Variants in ST6GALNAC3 observed in about 807,000 individuals in gnomAD.
The protein encoded by ST6GALNAC3 is ST6 N-acetylgalactosaminide alpha-2,6-sialyltransferase 3.
Under a neutral mutation model 32.7 loss-of-function variants are expected in ST6GALNAC3, and 25 were observed. The observed-to-expected ratio is 0.76, with a 90% CI of 0.56 to 1.07. The LOEUF (loss-of-function observed/expected upper bound fraction) is 1.07. ST6GALNAC3 is among the 50% of genes least tolerant of loss of function. The pLI is 0.00. For synonymous variants in ST6GALNAC3, 129 were observed against 133.1 expected, an observed-to-expected ratio of 0.97 and a Z score of 0.21; for missense variants, 355 against 382.4, an observed-to-expected ratio of 0.93 and a Z score of 0.60.
intron 2 of ST6GALNAC3, among the ~76,000 whole-genome samples, chr1:76,356,189 T>C (rs1265460129): frequency 6.6e-6 from 1 of 152,136 alleles, no homozygotes; most frequent in African/African-American, 2.4e-5. Flanking sequence ...ATTTATTGAA[T>C]TGTCAAATTA....
intron 3 of ST6GALNAC3, among the ~76,000 whole-genome samples, chr1:76,434,746 C>T (rs1251537415): frequency 6.7e-6 from 1 of 148,414 alleles, no homozygotes; most frequent in Non-Finnish European, 1.5e-5. Flanking sequence ...TATGAGCTGT[C>T]ACTAGAAGAT....
intron 1 of ST6GALNAC3, among the ~76,000 whole-genome samples, chr1:76,082,162 C>T (rs1646905173): frequency 6.6e-6 from 1 of 152,172 alleles, no homozygotes; most frequent in East Asian, 1.9e-4. Context: ...TTAACACACA[C>T]TTATGCCTGA....
intron 3 of ST6GALNAC3, among the ~76,000 whole-genome samples, chr1:76,428,343 G>A (rs1391542863): frequency 6.6e-6 from 1 of 151,970 alleles, no homozygotes. Context: ...TTCATACCAT[G>A]GAAACTGTCT....
At chr1:76,341,654 TTTC>T (rs1648017886) in intron 2 of ST6GALNAC3, among the ~76,000 whole-genome samples, 1 of 145,984 alleles carries the variant, frequency 6.9e-6, no homozygotes, top group African/African-American at 2.6e-5. Flanking sequence ...TCTTTCTTTC[TTTC>T]TTTCTTTCTT....
At chr1:76,179,638 A>G (rs568250335) in intron 1 of ST6GALNAC3, among the ~76,000 whole-genome samples, 19 of 152,320 alleles carry the variant, frequency 1.2e-4, no homozygotes, top group African/African-American at 4.6e-4. Context: ...ATAGTGTCCT[A>G]CAAAACCCTC....
At chr1:76,627,010 C>G (rs972912546) in intron 3 of ST6GALNAC3, among the ~76,000 whole-genome samples, 13 of 151,902 alleles carry the variant, frequency 8.6e-5, no homozygotes, top group African/African-American at 2.9e-4. Context: ...CCCAAGCAGC[C>G]TTCAAGAAAG....
At position 76,412,162 on chromosome 1, in the gene ST6GALNAC3, C is replaced by A; in HGVS notation, c.368C>A (p.Thr123Asn). ...TATGAAGAAGATGTCGGCCGCATGACCATGATTCGAGTTGTGTCCCATACC... is the reference window on the plus strand; with the variant it reads ...TATGAAGAAGATGTCGGCCGCATGAACATGATTCGAGTTGTGTCCCATACC... ...KGYEEDVGRM[T>N]MIRVVSHTSV... Residue 123 changes from threonine to asparagine, a missense_variant, in exon 3 of 5, where the codon ACC becomes AAC. Thr to Asn is a moderately conservative substitution (Grantham distance 65). Transcript: ENST00000328299. 1 of 1,613,680 alleles carries A rather than the reference C, an allele frequency of 6.2e-7. No homozygotes were observed. The highest frequency in any genetic ancestry group is 1.3e-5 in the African/African-American group (1 of 74,976).
At chr1:76,462,412 C>G (rs1658340738) in intron 3 of ST6GALNAC3, among the ~76,000 whole-genome samples, 1 of 151,998 alleles carries the variant, frequency 6.6e-6, no homozygotes, top group Non-Finnish European at 1.5e-5. Context: ...CTTGTGCATT[C>G]TTATTTTCTA....
At chr1:76,349,279 TG>T (rs1648782274) in intron 2 of ST6GALNAC3, among the ~76,000 whole-genome samples, 1 of 152,138 alleles carries the variant, frequency 6.6e-6, no homozygotes, top group East Asian at 1.9e-4. Context: ...CCATGACTGT[TG>T]AACACCAGAC....
intron 3 of ST6GALNAC3, among the ~76,000 whole-genome samples, chr1:76,594,486 G>A (rs1251359030): frequency 1.3e-5 from 2 of 152,136 alleles, no homozygotes; most frequent in Admixed American, 6.5e-5. Flanking sequence ...TTCAGAGGAT[G>A]TGTGTTAACA....
chr1:76,449,855 G>A (rs1023010173), intron 3 of ST6GALNAC3, among the ~76,000 whole-genome samples: 6 of 152,054 alleles, frequency 3.9e-5, no homozygotes, highest in African/African-American at 1.4e-4. Flanking sequence ...GGAACAGGTG[G>A]TATTTGGTCA....
chr1:76,485,539 G>T (rs1238346129), intron 3 of ST6GALNAC3, among the ~76,000 whole-genome samples: 2 of 152,272 alleles, frequency 1.3e-5, no homozygotes, highest in East Asian at 3.9e-4. Context: ...TCTGATGGTT[G>T]TTTGTATTTC....
At chr1:76,365,342 G>A (rs1457522985) in intron 2 of ST6GALNAC3, among the ~76,000 whole-genome samples, 1 of 152,154 alleles carries the variant, frequency 6.6e-6, no homozygotes, top group Non-Finnish European at 1.5e-5. Context: ...AAGTGGTTGG[G>A]TGTGAGGGTT....
chr1:76,152,434 A>G (rs1044779660), intron 1 of ST6GALNAC3, among the ~76,000 whole-genome samples: 3 of 152,194 alleles, frequency 2.0e-5, no homozygotes, highest in Non-Finnish European at 4.4e-5. Flanking sequence ...CCTTGTGCAC[A>G]CCACATACTT....
intron 1 of ST6GALNAC3, among the ~76,000 whole-genome samples, chr1:76,142,343 C>G (rs572595563): frequency 6.6e-6 from 1 of 152,180 alleles, no homozygotes; most frequent in African/African-American, 2.4e-5. Context: ...GTCTAGAAAG[C>G]ATATTTGTCT....
At chr1:76,223,521 T>G (rs1448797353) in intron 1 of ST6GALNAC3, among the ~76,000 whole-genome samples, 1 of 152,096 alleles carries the variant, frequency 6.6e-6, no homozygotes, top group African/African-American at 2.4e-5. Context: ...ACAGTTTACC[T>G]ATATACCAAA....
At chr1:76,092,892 T>C (rs1647069067) in intron 1 of ST6GALNAC3, among the ~76,000 whole-genome samples, 1 of 152,192 alleles carries the variant, frequency 6.6e-6, no homozygotes, top group African/African-American at 2.4e-5. Flanking sequence ...GGTGTGCTCT[T>C]CCATTGTGTC....
At chr1:76,229,538 C>T (rs1195999499) in intron 1 of ST6GALNAC3, among the ~76,000 whole-genome samples, 1 of 152,190 alleles carries the variant, frequency 6.6e-6, no homozygotes, top group Non-Finnish European at 1.5e-5. Context: ...GACTCCCTGC[C>T]TCTAGCAAGC....
chr1:76,364,699 A>G (rs961891577), intron 2 of ST6GALNAC3, among the ~76,000 whole-genome samples: 6 of 152,194 alleles, frequency 3.9e-5, no homozygotes, highest in Admixed American at 1.3e-4. Context: ...TCAAAAGAAG[A>G]CATACAAGTG....
Sources: allele counts gnomAD v4.1 joint callset (sites outside exome capture counted in the v4.1 genomes callset), GRCh38; gene constraint gnomAD v4.1.1; transcripts MANE v1.5; gene names NCBI Gene and HGNC (gene_info 2026-07-23, HGNC 2026-07-21).